Variants in CCDC7 observed in about 807,000 individuals in gnomAD.
CCDC7 encodes coiled-coil domain containing 7.
In CCDC7, 183 loss-of-function variants were observed where a neutral mutation model predicts 196.9. The observed-to-expected ratio is 0.93, with a 90% CI of 0.82 to 1.05. CCDC7 has a LOEUF of 1.05. CCDC7 is among the 50% of genes least tolerant of loss of function. The pLI is 0.00. For missense variants in CCDC7, 1,540 were observed against 1,482.2 expected (o/e 1.04, Z -0.64); for synonymous variants, 525 against 484.6 (o/e 1.08, Z -1.10).
At chr10:32,586,457 T>TG (rs1222284013) in intron 18 of CCDC7, among the ~76,000 whole-genome samples, 1 of 152,230 alleles carries the variant, frequency 6.6e-6, no homozygotes, top group African/African-American at 2.4e-5. Context: ...GCCATGCCTA[T>TG]GTCCTGAGTG....
At chr10:32,519,863 A>T (rs1589456273) in intron 11 of CCDC7, among the ~76,000 whole-genome samples, 2 of 151,376 alleles carry the variant, frequency 1.3e-5, no homozygotes, top group African/African-American at 4.9e-5. Flanking sequence ...AACCATCCCC[A>T]CCTCCTTCTC....
At chr10:32,710,358 T>C in intron 24 of CCDC7, among the ~76,000 whole-genome samples, 1 of 152,212 alleles carries the variant, frequency 6.6e-6, no homozygotes, top group South Asian at 2.1e-4. Context: ...CTAAGAGCTG[T>C]TATTGATGCA....
intron 20 of CCDC7, among the ~76,000 whole-genome samples, chr10:32,662,534 T>A (rs1335993): frequency 6.7e-6 from 1 of 150,174 alleles, no homozygotes; most frequent in Admixed American, 6.6e-5. Context: ...CCATGACTAT[T>A]AAATGATGAT....
intron 27 of CCDC7, 140 bp downstream of exon 28, chr10:32,729,137 A>G (rs2083542324): frequency 1.2e-6 from 1 of 818,924 alleles, no homozygotes; most frequent in Admixed American, 3.1e-5. Context: ...ACCCTATGAT[A>G]ACTAGAGAAC....
At chr10:32,687,019 A>G (rs1032085657) in intron 22 of CCDC7, among the ~76,000 whole-genome samples, 4 of 152,234 alleles carry the variant, frequency 2.6e-5, no homozygotes, top group Non-Finnish European at 5.9e-5. Context: ...AGGAATGCTG[A>G]AAAGGGCATT....
At chr10:32,827,577 A>G (rs1296940636) in intron 32 of CCDC7, among the ~76,000 whole-genome samples, 1 of 144,424 alleles carries the variant, frequency 6.9e-6, no homozygotes, top group Non-Finnish European at 1.5e-5. Context: ...TCTCACTCAT[A>G]GATGGGAGTT....
chr10:32,525,281 T>C (rs761889935), intron 11 of CCDC7, among the ~76,000 whole-genome samples: 1 of 152,112 alleles, frequency 6.6e-6, no homozygotes, highest in Non-Finnish European at 1.5e-5. Context: ...CCAAATAGCC[T>C]GTCTTTAAGC....
At chr10:32,607,536 G>A (rs534629284) in intron 18 of CCDC7, among the ~76,000 whole-genome samples, 7 of 152,110 alleles carry the variant, frequency 4.6e-5, no homozygotes, top group Non-Finnish European at 1.0e-4. Flanking sequence ...TTTTTATGAT[G>A]AAACAATGTT....
chr10:32,637,581 T>A (rs2065885044), intron 20 of CCDC7, among the ~76,000 whole-genome samples: 1 of 152,176 alleles, frequency 6.6e-6, no homozygotes, highest in Non-Finnish European at 1.5e-5. Flanking sequence ...TCTGTTCCAT[T>A]GGTCTATAGC....
chr10:32,850,865 G>A (rs1300264635), intron 39 of CCDC7, among the ~76,000 whole-genome samples: 1 of 150,840 alleles, frequency 6.6e-6, no homozygotes, highest in Admixed American at 6.6e-5. Flanking sequence ...GACCACAGAA[G>A]ACACTCCCAT....
chr10:32,879,168 A>G (rs1362546348), downstream of CCDC7, among the ~76,000 whole-genome samples: 1 of 151,920 alleles, frequency 6.6e-6, no homozygotes, highest in East Asian at 1.9e-4. Flanking sequence ...CTTCATCCTT[A>G]TCCTTTTTTA....
intron 9 of CCDC7, among the ~76,000 whole-genome samples, chr10:32,499,558 C>T (rs1313513876): frequency 6.6e-6 from 1 of 150,596 alleles, no homozygotes; most frequent in Non-Finnish European, 1.5e-5. Flanking sequence ...GGAGAAAGGG[C>T]TGGGAAAGAG....
chr10:32,876,485 T>C (rs2094600042), downstream of CCDC7: 3 of 1,227,382 alleles, frequency 2.4e-6, no homozygotes, highest in African/African-American at 4.5e-5. Context: ...TTGAAAATAA[T>C]ACTGACTCGT....
chr10:32,802,883 A>T (rs912485357), intron 29 of CCDC7, among the ~76,000 whole-genome samples: 1 of 152,236 alleles, frequency 6.6e-6, no homozygotes, highest in Non-Finnish European at 1.5e-5. Context: ...GCCTGCTTTT[A>T]TTCTGGCCAT....
At chr10:32,693,007 T>G (rs988832842) in intron 23 of CCDC7, among the ~76,000 whole-genome samples, 2 of 152,200 alleles carry the variant, frequency 1.3e-5, no homozygotes, top group African/African-American at 4.8e-5. Flanking sequence ...GAGTTCAGAT[T>G]GCTTAACACA....
intron 3 of CCDC7, among the ~76,000 whole-genome samples, chr10:32,457,170 A>G (rs1050265644): frequency 6.6e-6 from 1 of 151,990 alleles, no homozygotes; most frequent in Non-Finnish European, 1.5e-5. Context: ...TCCAACCTCT[A>G]GTAATCATGA....
At chr10:32,484,266 T>C (rs1006824397) in intron 8 of CCDC7, among the ~76,000 whole-genome samples, 6 of 152,204 alleles carry the variant, frequency 3.9e-5, no homozygotes, top group Admixed American at 3.9e-4. Flanking sequence ...CAATTGTGAA[T>C]GGGAGTTCCC....
chr10:32,687,696 C>T (rs7914723), intron 22 of CCDC7, among the ~76,000 whole-genome samples: 7,624 of 152,262 alleles, frequency 0.05, 626 homozygotes, highest in African/African-American at 0.17. Flanking sequence ...TATACATCCT[C>T]AGGTGCCACT....
At chr10:32,510,538 T>C (rs1333264681) in intron 9 of CCDC7, among the ~76,000 whole-genome samples, 2 of 152,182 alleles carry the variant, frequency 1.3e-5, no homozygotes, top group African/African-American at 2.4e-5. Context: ...GTGGCCTTGA[T>C]GATGATGATA....
Sources: allele counts gnomAD v4.1 joint callset (sites outside exome capture counted in the v4.1 genomes callset), GRCh38; gene constraint gnomAD v4.1.1; transcripts MANE v1.5; gene names NCBI Gene and HGNC (gene_info 2026-07-23, HGNC 2026-07-21).